Variants in SMARCC1 observed in about 807,000 individuals in gnomAD.
SMARCC1 encodes SWI/SNF related BAF chromatin remodeling complex subunit C1, also known as SWI/SNF complex subunit SMARCC1.
In SMARCC1, 43 loss-of-function variants were observed where a neutral mutation model predicts 147.4. The ratio of observed to expected loss-of-function variants is 0.29; its 90% CI spans 0.23 to 0.38. The LOEUF is 0.38. Ranked by LOEUF, SMARCC1 falls within the 10% of genes least tolerant of loss-of-function variation. The pLI, the probability that SMARCC1 is intolerant of heterozygous loss-of-function variation, is 1.00. For missense variants in SMARCC1, 1,119 were observed against 1,381.1 expected (o/e 0.81, Z 3.01); for synonymous variants, 495 against 484.4 (o/e 1.02, Z -0.29).
At chr3:47,601,320 G>A (rs1209891504) in intron 26 of SMARCC1, among the ~76,000 whole-genome samples, 2 of 152,154 alleles carry the variant, frequency 1.3e-5, no homozygotes, top group African/African-American at 2.4e-5. Context: ...GTTGGGAAAG[G>A]AGGGTAGGAA....
intron 11 of SMARCC1, among the ~76,000 whole-genome samples, chr3:47,698,675 A>G (rs2033883856): frequency 6.6e-6 from 1 of 152,186 alleles, no homozygotes; most frequent in Non-Finnish European, 1.5e-5. Flanking sequence ...CAAACCACAG[A>G]AGAGGAAAAA....
intron 21 of SMARCC1, among the ~76,000 whole-genome samples, chr3:47,655,883 A>C (rs919308406): frequency 1.1e-4 from 17 of 152,168 alleles, no homozygotes; most frequent in Non-Finnish European, 1.9e-4. Context: ...ATTAATGAAC[A>C]ATGTAAAAAA....
At chr3:47,671,429 T>G (rs1447501591) in intron 18 of SMARCC1, among the ~76,000 whole-genome samples, 1 of 152,184 alleles carries the variant, frequency 6.6e-6, no homozygotes, top group East Asian at 1.9e-4. Context: ...TCAGATGTAC[T>G]ACACACGTAA....
At chr3:47,723,374 T>C (rs2034258624) in intron 6 of SMARCC1, among the ~76,000 whole-genome samples, 1 of 145,768 alleles carries the variant, frequency 6.9e-6, no homozygotes, top group Non-Finnish European at 1.5e-5. Context: ...TTTTTTTTTT[T>C]TTTTGAGACA....
chr3:47,747,648 T>A (rs868563540), intron 2 of SMARCC1, among the ~76,000 whole-genome samples: 1 of 151,158 alleles, frequency 6.6e-6, no homozygotes, highest in Admixed American at 6.6e-5. Flanking sequence ...CAAATTTTTT[T>A]ATAAAAAAGA....
At chr3:47,713,793 A>C (rs979255380) in intron 8 of SMARCC1, among the ~76,000 whole-genome samples, 2 of 152,186 alleles carry the variant, frequency 1.3e-5, no homozygotes, top group Non-Finnish European at 2.9e-5. Context: ...TCATTCTAAA[A>C]GTCACACAGG....
chr3:47,736,253 A>G (rs934194783), intron 4 of SMARCC1, 127 bp from the exon 5 acceptor site: 2 of 568,880 alleles, frequency 3.5e-6, no homozygotes, highest in Non-Finnish European at 6.2e-6. Flanking sequence ...AGCATGACCT[A>G]AAGAAATTCA....
intron 2 of SMARCC1, among the ~76,000 whole-genome samples, chr3:47,760,779 T>C (rs1193458003): frequency 6.6e-6 from 1 of 152,124 alleles, no homozygotes; most frequent in Non-Finnish European, 1.5e-5. Context: ...ACTTCTTCAG[T>C]CCAAGAGTTC....
intron 21 of SMARCC1, among the ~76,000 whole-genome samples, chr3:47,651,937 A>G (rs1367815777): frequency 6.6e-6 from 1 of 152,190 alleles, no homozygotes; most frequent in Admixed American, 6.5e-5. Context: ...TCTCTGGCAC[A>G]GGCTCATGCA....
intron 6 of SMARCC1, among the ~76,000 whole-genome samples, chr3:47,728,633 G>A (rs963338864): frequency 4.6e-5 from 7 of 152,028 alleles, no homozygotes; most frequent in East Asian, 1.9e-4. Flanking sequence ...TTGGCTGGGC[G>A]CAGTGGCTCA....
chr3:47,643,709 T>C (rs1016188233), intron 21 of SMARCC1, among the ~76,000 whole-genome samples: 3 of 152,160 alleles, frequency 2.0e-5, no homozygotes, highest in Admixed American at 6.6e-5. Context: ...TGATTCAAAA[T>C]TCAAGATGCT....
At chr3:47,703,419 A>G (rs2033950862) in intron 10 of SMARCC1, among the ~76,000 whole-genome samples, 1 of 151,896 alleles carries the variant, frequency 6.6e-6, no homozygotes, top group South Asian at 2.1e-4. Flanking sequence ...ATTCCTCAGC[A>G]GATGTTATTA....
chr3:47,772,584 T>C (rs921501501), intron 2 of SMARCC1, among the ~76,000 whole-genome samples: 1 of 152,188 alleles, frequency 6.6e-6, no homozygotes, highest in African/African-American at 2.4e-5. Flanking sequence ...TAGTAAAATA[T>C]TGTTAGGTCT....
chr3:47,743,505 T>C (rs1238101375), intron 3 of SMARCC1, among the ~76,000 whole-genome samples: 1 of 151,830 alleles, frequency 6.6e-6, no homozygotes, highest in Non-Finnish European at 1.5e-5. Context: ...CTACTGCAAG[T>C]GATTTCAGAT....
intron 3 of SMARCC1, among the ~76,000 whole-genome samples, chr3:47,742,043 C>T (rs2034515820): frequency 6.6e-6 from 1 of 151,962 alleles, no homozygotes; most frequent in Non-Finnish European, 1.5e-5. Context: ...TGTTGTCTTG[C>T]CTTTGGCTCA....
At chr3:47,638,570 T>C (rs1393047718) in intron 22 of SMARCC1, among the ~76,000 whole-genome samples, 155 bp downstream of exon 22, 1 of 152,164 alleles carries the variant, frequency 6.6e-6, no homozygotes, top group Non-Finnish European at 1.5e-5. Flanking sequence ...TGTCCTATAT[T>C]ATATCCTGTG....
At chr3:47,699,721 T>C (rs2106785779) in intron 11 of SMARCC1, among the ~76,000 whole-genome samples, 1 of 152,280 alleles carries the variant, frequency 6.6e-6, no homozygotes, top group Middle Eastern at 3.4e-3. Context: ...GCTCTGTGTT[T>C]AGTGCCAGAT....
At chr3:47,686,351 G>A (rs1432569346) in intron 13 of SMARCC1, among the ~76,000 whole-genome samples, 181 bp from the exon 14 acceptor site, 2 of 152,186 alleles carry the variant, frequency 1.3e-5, no homozygotes, top group Admixed American at 1.3e-4. Flanking sequence ...AAGGTAGCCA[G>A]CTGATAAGGT....
intron 2 of SMARCC1, among the ~76,000 whole-genome samples, chr3:47,756,626 A>G (rs2034701380): frequency 6.6e-6 from 1 of 151,998 alleles, no homozygotes; most frequent in African/African-American, 2.4e-5. Flanking sequence ...GTTCTGTATC[A>G]GGAAATGGCA....
Sources: allele counts gnomAD v4.1 joint callset (sites outside exome capture counted in the v4.1 genomes callset), GRCh38; gene constraint gnomAD v4.1.1; transcripts MANE v1.5; gene names NCBI Gene and HGNC (gene_info 2026-07-23, HGNC 2026-07-21).